DHRSX: variants seen among roughly 807,000 people sequenced by gnomAD.
DHRSX encodes polyprenol dehydrogenase.
DHRSX carries 31 observed loss-of-function variants against 34.0 expected under a neutral mutation model. The observed-to-expected ratio is 0.91, with a 90% confidence interval of 0.69 to 1.23. The LOEUF is 1.23. Among genes scored for constraint, DHRSX ranks in the 50% most tolerant of loss-of-function variants. The pLI is 0.00. For synonymous variants in DHRSX, 201 were observed against 183.8 expected, an observed-to-expected ratio of 1.09 and a Z score of -0.76; for missense variants, 414 against 428.1, an observed-to-expected ratio of 0.97 and a Z score of 0.29.
intron 6 of DHRSX, among the ~76,000 whole-genome samples, chrX:2,226,347 A>G (rs1308885579): frequency 2.0e-5 from 3 of 152,064 alleles, no homozygotes; most frequent in Non-Finnish European, 4.4e-5. Context: ...CCTGTTGGTT[A>G]CCTGGCTCAT....
At chrX:2,246,638 AAGAC>A (rs1362798052) in intron 5 of DHRSX, among the ~76,000 whole-genome samples, 5 of 150,640 alleles carry the variant, frequency 3.3e-5, no homozygotes, top group African/African-American at 4.9e-5. Flanking sequence ...GAAAGAAAGA[AAGAC>A]AGAAAGAGAG....
intron 1 of DHRSX, among the ~76,000 whole-genome samples, chrX:2,429,969 A>C (rs760196370): frequency 6.6e-6 from 1 of 152,296 alleles, no homozygotes; most frequent in South Asian, 2.1e-4. Context: ...ATACATACAC[A>C]AACAATTGGC....
intron 1 of DHRSX, chrX:2,490,904 C>A (rs1603177664): frequency 2.6e-6 from 2 of 756,536 alleles, no homozygotes; most frequent in Admixed American, 2.8e-5. Flanking sequence ...ACGGCTGGAC[C>A]TTCCTTGCGG....
rs187844022 is a variant in DHRSX, at chrX:2,415,735, T to A, written c.218-6922A>T. 9.7e-3 allele frequency among the ~76,000 whole-genome samples: 1,457 copies of A among 150,220 alleles called. 22 individuals are homozygous for A. The highest frequency in any genetic ancestry group is 0.033 in the African/African-American group (1,368 of 40,840). ...TAGATCTCATCACAACCAACCCAAA[T>A]AGACCTCATCATAACCTAATTAGAT... On this transcript the variant is annotated intron_variant, in intron 2 of 6. Transcript: ENST00000334651.
At chrX:2,276,467 T>G (rs947743083) in intron 4 of DHRSX, among the ~76,000 whole-genome samples, 2 of 152,086 alleles carry the variant, frequency 1.3e-5, no homozygotes, top group Middle Eastern at 3.2e-3. Flanking sequence ...ATCTGCCAAT[T>G]CAAAGGTGGA....
chrX:2,346,959 T>C (rs901524202), intron 3 of DHRSX, among the ~76,000 whole-genome samples: 1 of 152,176 alleles, frequency 6.6e-6, no homozygotes, highest in African/African-American at 2.4e-5. Flanking sequence ...TTCATCCATG[T>C]CCCTGCAAAG....
At chrX:2,419,621 C>T (rs1408307339) in intron 2 of DHRSX, among the ~76,000 whole-genome samples, 1 of 151,986 alleles carries the variant, frequency 6.6e-6, no homozygotes, top group East Asian at 1.9e-4. Flanking sequence ...ATATACACCA[C>T]AGAATACTAT....
chrX:2,314,024 A>G (rs1289765290), intron 3 of DHRSX, among the ~76,000 whole-genome samples: 1 of 151,712 alleles, frequency 6.6e-6, no homozygotes, highest in South Asian at 2.1e-4. Flanking sequence ...GGATTGTGGG[A>G]ACCAAGTTTT....
intron 1 of DHRSX, among the ~76,000 whole-genome samples, chrX:2,495,910 C>G (rs2045273272): frequency 6.6e-6 from 1 of 152,066 alleles, no homozygotes; most frequent in South Asian, 2.1e-4. Flanking sequence ...CGCAAGAGAC[C>G]AGTGTGAAGA....
At chrX:2,369,661 C>T (rs1439716537) in intron 3 of DHRSX, among the ~76,000 whole-genome samples, 1 of 151,874 alleles carries the variant, frequency 6.6e-6, no homozygotes, top group Non-Finnish European at 1.5e-5. Context: ...CAAAATTAGC[C>T]GGGGCTAATT....
At chrX:2,457,517 C>T (rs1234901419) in intron 1 of DHRSX, among the ~76,000 whole-genome samples, 2 of 151,630 alleles carry the variant, frequency 1.3e-5, no homozygotes, top group African/African-American at 4.8e-5. Flanking sequence ...CAAGACATTC[C>T]CTAGGCATGT....
chrX:2,446,862 G>A (rs1404078268), intron 1 of DHRSX, among the ~76,000 whole-genome samples: 1 of 150,726 alleles, frequency 6.6e-6, no homozygotes, highest in Non-Finnish European at 1.5e-5. Context: ...CCAAAGAATG[G>A]GGCCAAGGGA....
intron 1 of DHRSX, chrX:2,490,250 T>C: frequency 1.2e-6 from 2 of 1,613,678 alleles, no homozygotes; most frequent in Non-Finnish European, 1.7e-6. Flanking sequence ...ATACCGGGGG[T>C]CGGCCGTCTT....
intron 1 of DHRSX, among the ~76,000 whole-genome samples, chrX:2,452,103 G>A (rs2044228174): frequency 6.7e-6 from 1 of 150,232 alleles, no homozygotes; most frequent in Non-Finnish European, 1.5e-5. Flanking sequence ...ACTCACTGAA[G>A]ACGTTCACTA....
At chrX:2,224,325 C>G (rs769697800) in intron 6 of DHRSX, among the ~76,000 whole-genome samples, 5 of 152,184 alleles carry the variant, frequency 3.3e-5, no homozygotes, top group African/African-American at 1.2e-4. Flanking sequence ...AGGAGGCTTC[C>G]TCTTTGTGGT....
chrX:2,448,173 AT>A (rs2044164115), intron 1 of DHRSX, among the ~76,000 whole-genome samples: 3 of 79,866 alleles, frequency 3.8e-5, no homozygotes, highest in Admixed American at 3.5e-4. Flanking sequence ...TCCCATCTAC[AT>A]AAAAAATTTA....
chrX:2,248,649 GAAAGA>G (rs1262479341), intron 5 of DHRSX, among the ~76,000 whole-genome samples: 7 of 85,126 alleles, frequency 8.2e-5, no homozygotes, highest in East Asian at 2.3e-4. Context: ...AAAAGAAAAA[GAAAGA>G]AAAGAAAAGG....
chrX:2,495,061 ATTG>A (rs1411523908), intron 1 of DHRSX, among the ~76,000 whole-genome samples: 42 of 151,098 alleles, frequency 2.8e-4, no homozygotes, highest in African/African-American at 9.2e-4. Context: ...TATTATTATT[ATTG>A]TTATTATTTG....
chrX:2,236,129 A>T (rs1360519358), intron 6 of DHRSX, among the ~76,000 whole-genome samples: 1 of 151,610 alleles, frequency 6.6e-6, no homozygotes, highest in Admixed American at 6.6e-5. Flanking sequence ...AAAAATAAAT[A>T]AATAAAATAA....
Sources: allele counts gnomAD v4.1 joint callset (sites outside exome capture counted in the v4.1 genomes callset), GRCh38; gene constraint gnomAD v4.1.1; transcripts MANE v1.5; gene names NCBI Gene and HGNC (gene_info 2026-07-23, HGNC 2026-07-21).